Variants in NFIB observed in about 807,000 individuals in gnomAD.
NFIB encodes nuclear factor I B.
In NFIB, 11 loss-of-function variants were observed where a neutral mutation model predicts 61.5. That is an observed-to-expected ratio of 0.18 (90% CI 0.11 to 0.30). The LOEUF (loss-of-function observed/expected upper bound fraction) is 0.30. NFIB is among the 10% of genes least tolerant of loss of function. The pLI, the probability that NFIB is intolerant of heterozygous loss-of-function variation, is 1.00. For synonymous variants in NFIB, 260 were observed against 216.5 expected (o/e 1.20, Z -1.76); for missense variants, 471 against 608.9 (o/e 0.77, Z 2.38).
intron 3 of NFIB, among the ~76,000 whole-genome samples, chr9:14,175,259 C>T (rs906422034): frequency 4.3e-5 from 6 of 139,952 alleles, no homozygotes; most frequent in Non-Finnish European, 6.0e-5. Flanking sequence ...CTGCAAGCTC[C>T]GCCTCCCAGG....
chr9:14,404,274 A>C, the NFIB span, among the ~76,000 whole-genome samples: 1 of 152,146 alleles, frequency 6.6e-6, no homozygotes. Context: ...GAGCATATCT[A>C]CCACCCCGAG....
At chr9:14,448,459 T>A in the NFIB span, among the ~76,000 whole-genome samples, 1 of 152,358 alleles carries the variant, frequency 6.6e-6, no homozygotes, top group South Asian at 2.1e-4. Flanking sequence ...GGGATTGTCA[T>A]AATTCCCATG....
chr9:14,131,355 C>T (rs1444790823), intron 6 of NFIB, among the ~76,000 whole-genome samples: 1 of 152,168 alleles, frequency 6.6e-6, no homozygotes, highest in Non-Finnish European at 1.5e-5. Context: ...CCTGACCATA[C>T]TATATATATT....
the NFIB span, among the ~76,000 whole-genome samples, chr9:14,411,906 T>C: frequency 1.3e-5 from 2 of 152,194 alleles, no homozygotes; most frequent in Non-Finnish European, 2.9e-5. Context: ...ATGGGGAGGC[T>C]AGGGCAGGGC....
intron 2 of NFIB, among the ~76,000 whole-genome samples, chr9:14,209,688 C>G (rs1051911514): frequency 2.6e-5 from 4 of 152,166 alleles, no homozygotes; most frequent in Non-Finnish European, 5.9e-5. Context: ...GTTAATGCAT[C>G]CTACCACAAC....
chr9:14,338,401 A>G (rs150102784), intron 1 of NFIB, among the ~76,000 whole-genome samples: 122,619 of 149,350 alleles, frequency 0.82, 54,505 homozygotes, highest in Non-Finnish European at 0.97. Flanking sequence ...CTCAAAAAAA[A>G]AAAAGAAAAG....
the NFIB span, among the ~76,000 whole-genome samples, chr9:14,519,692 G>T: frequency 6.6e-6 from 1 of 152,146 alleles, no homozygotes; most frequent in Non-Finnish European, 1.5e-5. Context: ...TGGCAAAATG[G>T]TTTATGAATA....
intron 2 of NFIB, among the ~76,000 whole-genome samples, chr9:14,225,451 C>G (rs1342386952): frequency 8.5e-5 from 5 of 58,654 alleles, no homozygotes; most frequent in Admixed American, 2.1e-4. Context: ...AGCGAGACTC[C>G]GTCTCAAAAA....
At chr9:14,091,437 C>T (rs2033891518) in intron 10 of NFIB, among the ~76,000 whole-genome samples, 1 of 151,916 alleles carries the variant, frequency 6.6e-6, no homozygotes, top group Non-Finnish European at 1.5e-5. Flanking sequence ...TCAATAATCA[C>T]ATGTATGGAT....
chr9:14,510,620 C>A, the NFIB span, among the ~76,000 whole-genome samples: 1 of 151,932 alleles, frequency 6.6e-6, no homozygotes, highest in Admixed American at 6.6e-5. Flanking sequence ...TTTTGTTTTC[C>A]TACTCATTTA....
chr9:14,394,741 A>G (rs185916153), intron 1 of NFIB, among the ~76,000 whole-genome samples: 56 of 152,240 alleles, frequency 3.7e-4, no homozygotes, highest in Non-Finnish European at 7.5e-4. Flanking sequence ...AGGACTTGGA[A>G]GACTGGGAAT....
At chr9:14,142,453 G>C (rs534464821) in intron 6 of NFIB, among the ~76,000 whole-genome samples, 1 of 152,224 alleles carries the variant, frequency 6.6e-6, no homozygotes, top group African/African-American at 2.4e-5. Context: ...TTTATCAGCA[G>C]CATGAAAATG....
chr9:14,429,033 G>C, the NFIB span, among the ~76,000 whole-genome samples: 2 of 152,080 alleles, frequency 1.3e-5, no homozygotes, highest in African/African-American at 4.8e-5. Flanking sequence ...ATTATCAGAG[G>C]GACTGGAACA....
chr9:14,328,304 TG>T (rs1288193804), intron 1 of NFIB, among the ~76,000 whole-genome samples: 12 of 152,110 alleles, frequency 7.9e-5, no homozygotes, highest in African/African-American at 2.2e-4. Context: ...CCACCATGCC[TG>T]GCTAATTTTT....
chr9:14,102,717 T>C (rs1335330405), intron 10 of NFIB, among the ~76,000 whole-genome samples: 4 of 151,966 alleles, frequency 2.6e-5, no homozygotes, highest in African/African-American at 7.2e-5. Flanking sequence ...TATTGCAATA[T>C]GCTTCTCTAT....
the NFIB span, among the ~76,000 whole-genome samples, chr9:14,484,876 T>C: frequency 3.3e-4 from 51 of 152,320 alleles, no homozygotes; most frequent in African/African-American, 1.1e-3. Flanking sequence ...AACAGAAATA[T>C]ATTTTTTTCA....
At chr9:14,311,659 C>G (rs1334054957) in intron 1 of NFIB, among the ~76,000 whole-genome samples, 1 of 152,080 alleles carries the variant, frequency 6.6e-6, no homozygotes, top group Non-Finnish European at 1.5e-5. Flanking sequence ...TTAACTTACA[C>G]AAATTAAGAT....
the NFIB span, among the ~76,000 whole-genome samples, chr9:14,443,725 G>A: frequency 2.6e-5 from 4 of 152,044 alleles, no homozygotes; most frequent in Non-Finnish European, 5.9e-5. Flanking sequence ...TTTTCCACAT[G>A]TACAAAGTTA....
chr9:14,120,034 T>C lies in NFIB; in HGVS notation c.1245+406A>G, dbSNP rs2038721777. On this transcript the variant is annotated intron_variant, in intron 8 of 10. Coordinates refer to ENST00000380953, the MANE Select transcript of NFIB (RefSeq NM_001190737.2). This position sits in a 1 kb window ranked among gnomAD's most constrained non-coding sequence, Gnocchi z 4.4. ...ATTTTAATACCTAATAGTTGGTCTA[T>C]AAATACAACTGTAAGTTCTTTTGTG... is the stretch of plus-strand genomic sequence containing the variant. Among the ~76,000 whole-genome samples, 1 of 152,266 alleles carries C rather than the reference T, an allele frequency of 6.6e-6. No individual in the cohort carries two copies. The highest frequency in any genetic ancestry group is 1.5e-5 in the Non-Finnish European group (1 of 68,046).
Sources: gnomAD v4.1 joint callset for allele counts (sites outside exome capture counted in the v4.1 genomes callset) on GRCh38, gnomAD v4.1.1 for gene constraint, Gnocchi (gnomAD v3.1) non-coding constraint, MANE v1.5 for transcripts, NCBI Gene and HGNC (gene_info 2026-07-23, HGNC 2026-07-21) for gene names.